PLCZ1: variants seen among roughly 807,000 people sequenced by gnomAD.
The protein encoded by PLCZ1 is 1-phosphatidylinositol 4,5-bisphosphate phosphodiesterase zeta-1.
In PLCZ1, 64 loss-of-function variants were observed where a neutral mutation model predicts 76.8. The observed-to-expected ratio is 0.83, with a 90% CI of 0.68 to 1.03. The LOEUF (loss-of-function observed/expected upper bound fraction) is 1.03, where lower values mean the gene tolerates loss of function less well. PLCZ1 is among the 50% of genes least tolerant of loss of function. The pLI, the probability that PLCZ1 is intolerant of heterozygous loss-of-function variation, is 0.00. For missense variants in PLCZ1, 751 were observed against 713.7 expected (o/e 1.05, Z -0.60); for synonymous variants, 248 against 230.8 (o/e 1.07, Z -0.68).
chr12:18,678,823 G>C (rs1458721382), downstream of PLCZ1, among the ~76,000 whole-genome samples: 1 of 151,978 alleles, frequency 6.6e-6, no homozygotes, highest in Non-Finnish European at 1.5e-5. Context: ...GCCTTTGTGT[G>C]GACATGTGTT....
intron 7 of PLCZ1, among the ~76,000 whole-genome samples, chr12:18,703,890 C>A (rs901528): frequency 0.37 from 55,929 of 152,026 alleles, 12,437 homozygotes; most frequent in African/African-American, 0.62. Context: ...ATACAGAGGG[C>A]AATACCCAAA....
At chr12:18,645,839 A>T in the PLCZ1 span, among the ~76,000 whole-genome samples, 1 of 152,196 alleles carries the variant, frequency 6.6e-6, no homozygotes, top group African/African-American at 2.4e-5. Context: ...TTTATGACTT[A>T]TTCATGCAAT....
chr12:18,723,635 A>G, intron 3 of PLCZ1, 93 bp from the exon 4 acceptor site: 1 of 977,814 alleles, frequency 1.0e-6, no homozygotes. Context: ...AGTAATTTAT[A>G]CTTGAAAGAA....
downstream of PLCZ1, among the ~76,000 whole-genome samples, chr12:18,679,875 C>T (rs142690865): frequency 1.3e-3 from 196 of 151,932 alleles, 1 homozygote; most frequent in African/African-American, 4.2e-3. Context: ...GTTGTGTAAG[C>T]GTAGAAGATA....
chr12:18,649,402 A>G, the PLCZ1 span, among the ~76,000 whole-genome samples: 1 of 152,058 alleles, frequency 6.6e-6, no homozygotes, highest in Non-Finnish European at 1.5e-5. Context: ...ACTCCAAAAC[A>G]TTGCTATTGA....
At chr12:18,685,229 G>T (rs1168913184) in intron 13 of PLCZ1, among the ~76,000 whole-genome samples, 1 of 152,018 alleles carries the variant, frequency 6.6e-6, no homozygotes, top group Non-Finnish European at 1.5e-5. Flanking sequence ...CAAAGTTGAT[G>T]AATTTCAATC....
At chr12:18,693,331 C>A (rs1350064708) in intron 12 of PLCZ1, 8 of 1,540,038 alleles carry the variant, frequency 5.2e-6, no homozygotes, top group African/African-American at 1.4e-5. Flanking sequence ...GAGACCTATG[C>A]AGATACTGGG....
downstream of PLCZ1, among the ~76,000 whole-genome samples, chr12:18,678,642 T>G (rs533150721): frequency 4.6e-4 from 70 of 152,218 alleles, 1 homozygote; most frequent in South Asian, 0.014. Flanking sequence ...TCATTCATTT[T>G]AATCATTTTG....
At chr12:18,698,548 C>G (rs141307870) in intron 10 of PLCZ1, among the ~76,000 whole-genome samples, 1 of 152,254 alleles carries the variant, frequency 6.6e-6, no homozygotes, top group African/African-American at 2.4e-5. Flanking sequence ...TCCGCATTCC[C>G]AAACAGCCAG....
At chr12:18,698,645 A>G (rs1368395209) in intron 10 of PLCZ1, among the ~76,000 whole-genome samples, 2 of 152,006 alleles carry the variant, frequency 1.3e-5, no homozygotes, top group Non-Finnish European at 2.9e-5. Flanking sequence ...TTTAACTTTT[A>G]ATTTTTGTGG....
rs1243156705 is a variant in PLCZ1, at chr12:18,692,873, A to C, written c.1461+2037T>G. ...AATATGAACCTCCTGTACCAACTAC[A>C]GTGGGGAAAAAGAAGAAGAAAACAA... is the stretch of plus-strand genomic sequence containing the variant. On this transcript the variant is annotated intron_variant, in intron 12 of 14. Coordinates refer to ENST00000266505, the MANE Select transcript of PLCZ1 (RefSeq NM_033123.4). 17 of 1,602,808 alleles carry C rather than the reference A, an allele frequency of 1.1e-5. No homozygotes were observed. The Admixed American group carries it at 2.3e-4, about 22-fold the overall frequency.
chr12:18,673,091 G>T, the PLCZ1 span, among the ~76,000 whole-genome samples: 1 of 152,146 alleles, frequency 6.6e-6, no homozygotes, highest in Non-Finnish European at 1.5e-5. Flanking sequence ...AGCTGAAGCA[G>T]AAAAGTTCTA....
At chr12:18,708,249 TC>T (rs1956865865) in intron 6 of PLCZ1, among the ~76,000 whole-genome samples, 1 of 152,200 alleles carries the variant, frequency 6.6e-6, no homozygotes, top group African/African-American at 2.4e-5. Context: ...TTTTCTAAAT[TC>T]CACATAAAAG....
chr12:18,701,789 T>A lies in PLCZ1; in HGVS notation c.865-13A>T. 1 of 1,589,288 alleles carries A rather than the reference T, an allele frequency of 6.3e-7. No homozygotes were observed. Among genetic ancestry groups the A allele is most frequent in the South Asian group, 1.1e-5 (1 of 87,960 alleles). On this transcript the variant is annotated splice_polypyrimidine_tract_variant and intron_variant, in intron 7 of 14. Coordinates refer to ENST00000266505, the MANE Select transcript of PLCZ1 (RefSeq NM_033123.4). Reference sequence around the variant, plus strand: ...TGAATTTTAGTGCCTAAGGAAACAATTTGAGAGATACAATTACACATTTAC... The same window carrying A: ...TGAATTTTAGTGCCTAAGGAAACAAATTGAGAGATACAATTACACATTTAC...
chr12:18,708,783 A>G (rs779574507), intron 6 of PLCZ1, among the ~76,000 whole-genome samples: 1 of 152,072 alleles, frequency 6.6e-6, no homozygotes, highest in African/African-American at 2.4e-5. Flanking sequence ...GTACCTTTTC[A>G]TATACTTGTT....
intron 6 of PLCZ1, among the ~76,000 whole-genome samples, chr12:18,708,119 T>C (rs1438631678): frequency 6.6e-6 from 1 of 152,238 alleles, no homozygotes. Context: ...GACTTTTTCA[T>C]CCTACATATG....
At chr12:18,650,708 A>ATATC in the PLCZ1 span, among the ~76,000 whole-genome samples, 22 of 7,796 alleles carry the variant, frequency 2.8e-3, no homozygotes, top group African/African-American at 0.011. Flanking sequence ...GTGTGTGTAT[A>ATATC]TATCTATATA....
the PLCZ1 span, among the ~76,000 whole-genome samples, chr12:18,658,111 C>A: frequency 6.6e-6 from 1 of 152,026 alleles, no homozygotes; most frequent in African/African-American, 2.4e-5. Context: ...GAAGAATTAG[C>A]AAACTTGAAA....
In PLCZ1 at chr12:18,688,211, C is replaced by T. The variant is rs998637111; in HGVS notation, c.1469G>A (p.Ser490Asn). The T allele has an allele frequency of 6.8e-6, 11 of 1,607,980 alleles. No individual in the cohort carries two copies. The highest frequency in any genetic ancestry group is 8.5e-6 in the Non-Finnish European group (10 of 1,177,246). ...MPITLTIRLISGIQLPLTHSS... is the reference protein window; with the variant it reads ...MPITLTIRLINGIQLPLTHSS... ...ATGAGTAAGAGGCAACTGGATACCACTGATGAGCTGCACAAATATATATGA... is the reference window on the plus strand; with the variant it reads ...ATGAGTAAGAGGCAACTGGATACCATTGATGAGCTGCACAAATATATATGA... Residue 490 changes from serine to asparagine, a missense_variant, in exon 13 of 15, where the codon AGT (serine) becomes AAT (asparagine). Coordinates refer to ENST00000266505, the MANE Select transcript of PLCZ1 (RefSeq NM_033123.4).
Sources: gnomAD v4.1 joint callset for allele counts (sites outside exome capture counted in the v4.1 genomes callset) on GRCh38, gnomAD v4.1.1 for gene constraint, MANE v1.5 for transcripts, NCBI Gene and HGNC (gene_info 2026-07-23, HGNC 2026-07-21) for gene names.